Variants in TAF4B observed in about 807,000 individuals in gnomAD.
TAF4B encodes the protein TATA-box binding protein associated factor 4b, also known as transcription initiation factor TFIID subunit 4B.
In TAF4B, 38 loss-of-function variants were observed where a neutral mutation model predicts 86.4. The observed-to-expected ratio is 0.44, with a 90% CI of 0.34 to 0.58. The LOEUF (loss-of-function observed/expected upper bound fraction) is 0.58, where lower values mean the gene tolerates loss of function less well. Ranked by LOEUF, TAF4B falls within the 20% of genes least tolerant of loss-of-function variation. The probability of loss-of-function intolerance (pLI) is 0.02; values close to 1 mark genes in which losing one functional copy is unlikely to be tolerated. For synonymous variants in TAF4B, 388 were observed against 391.2 expected (o/e 0.99, Z 0.10); for missense variants, 988 against 1,027.6 (o/e 0.96, Z 0.53).
At chr18:26,349,788 T>C (rs2057229657) in intron 13 of TAF4B, among the ~76,000 whole-genome samples, 1 of 152,170 alleles carries the variant, frequency 6.6e-6, no homozygotes, top group Non-Finnish European at 1.5e-5. Context: ...GGCATGACAC[T>C]ACTGGACTTC....
chr18:26,317,107 A>G (rs1256169633), intron 10 of TAF4B, among the ~76,000 whole-genome samples: 4 of 142,594 alleles, frequency 2.8e-5, no homozygotes, highest in Non-Finnish European at 6.0e-5. Flanking sequence ...TCGGCTCACT[A>G]TAACCTCCGC....
intron 3 of TAF4B, among the ~76,000 whole-genome samples, chr18:26,272,411 G>T (rs1598745300): frequency 6.6e-6 from 1 of 152,104 alleles, no homozygotes; most frequent in South Asian, 2.1e-4. Flanking sequence ...CGGCACAGGG[G>T]TTGGGGACCC....
At chr18:26,389,356 G>A (rs1978568709) in intron 14 of TAF4B, among the ~76,000 whole-genome samples, 1 of 152,188 alleles carries the variant, frequency 6.6e-6, no homozygotes, top group Non-Finnish European at 1.5e-5. Flanking sequence ...ATGGCCTGGT[G>A]GGATCTGAAC....
intron 1 of TAF4B, among the ~76,000 whole-genome samples, chr18:26,236,581 G>A (rs1006295586): frequency 2.6e-5 from 4 of 152,092 alleles, no homozygotes; most frequent in Admixed American, 6.5e-5. Context: ...GTGAGGGGGC[G>A]CTTGTTTCTC....
At chr18:26,236,617 C>A (rs970343856) in intron 1 of TAF4B, among the ~76,000 whole-genome samples, 1 of 152,116 alleles carries the variant, frequency 6.6e-6, no homozygotes, top group African/African-American at 2.4e-5. Context: ...TTAAAGTGTC[C>A]TTGCAAACCA....
intron 13 of TAF4B, among the ~76,000 whole-genome samples, chr18:26,355,196 T>C (rs2057278323): frequency 6.6e-6 from 1 of 152,196 alleles, no homozygotes; most frequent in South Asian, 2.1e-4. Flanking sequence ...CTTAATGATA[T>C]TTAGGACTCA....
rs1568148035 is a variant in TAF4B at position 26,315,149 on chromosome 18, TCTCTCTCTCTCTCA to T, written c.1833-78_1833-65del. 78 of 429,166 alleles carry T rather than the reference TCTCTCTCTCTCTCA, an allele frequency of 1.8e-4. 1 individual carries two copies. The highest frequency in any genetic ancestry group is 1.5e-3 in the East Asian group (27 of 18,428). 26.6% of individuals were successfully genotyped at this position (429,166 alleles called of 1,614,324 possible). A position where few individuals can be genotyped will look rare whatever the true frequency, so the allele number is the denominator to read the frequency against. ...CTCTCTCTCTCTCTCTCTCTCTGTC[TCTCTCTCTCTCTCA>T]CACACACACACACACACACACACAC... On this transcript the variant is annotated intron_variant, in intron 9 of 14. Transcript: ENST00000269142.
chr18:26,249,054 C>A (rs2055964090), intron 1 of TAF4B, among the ~76,000 whole-genome samples: 1 of 151,616 alleles, frequency 6.6e-6, no homozygotes, highest in African/African-American at 2.4e-5. Context: ...TGCCTGTAAT[C>A]CCAGCTACTC....
rs540693768 is a variant in TAF4B at position 26,236,492 on chromosome 18, C to T, written c.343+9216C>T. 5.3e-5 allele frequency among the ~76,000 whole-genome samples: 8 copies of T among 152,280 alleles called. No homozygotes were observed. The South Asian group carries it at 6.2e-4, about 12-fold the overall frequency. On this transcript the variant is annotated intron_variant, in intron 1 of 14. Transcript: ENST00000269142. ...CAGTCCTGTTGTTGGATCATCTGGT[C>T]GGGGGCCTCTGGCTCAGAGAACCTT...
chr18:26,347,919 G>A (rs766499004), intron 13 of TAF4B, among the ~76,000 whole-genome samples: 19 of 152,150 alleles, frequency 1.2e-4, no homozygotes, highest in Non-Finnish European at 1.8e-4. Flanking sequence ...GATATATAAA[G>A]TAAATATTAT....
At chr18:26,275,258 T>G (rs2056370757) in intron 5 of TAF4B, among the ~76,000 whole-genome samples, 1 of 152,160 alleles carries the variant, frequency 6.6e-6, no homozygotes, top group African/African-American at 2.4e-5. Context: ...TGGGTTCAAA[T>G]GATTCTCCTG....
chr18:26,313,177 G>A (rs1018931188), intron 9 of TAF4B, among the ~76,000 whole-genome samples: 3 of 152,114 alleles, frequency 2.0e-5, no homozygotes, highest in African/African-American at 7.2e-5. Context: ...CCTAATCTGA[G>A]TTATGTATTT....
chr18:26,346,990 G>T (rs192794233), intron 13 of TAF4B, among the ~76,000 whole-genome samples: 16 of 142,218 alleles, frequency 1.1e-4, no homozygotes, highest in Non-Finnish European at 1.8e-4. Context: ...GCATGATCTC[G>T]GCTCACTGCA....
intron 13 of TAF4B, among the ~76,000 whole-genome samples, chr18:26,350,713 G>T (rs1304500181): frequency 6.6e-6 from 1 of 152,134 alleles, no homozygotes; most frequent in Admixed American, 6.6e-5. Flanking sequence ...ATGGGCAAAT[G>T]ATCAGAATGG....
intron 14 of TAF4B, among the ~76,000 whole-genome samples, chr18:26,366,082 G>T (rs1026090294): frequency 6.6e-6 from 1 of 152,196 alleles, no homozygotes; most frequent in African/African-American, 2.4e-5. Flanking sequence ...GAGCCACTGC[G>T]CCCGGCCTAT....
At chr18:26,361,299 T>TC (rs1390041466) in intron 14 of TAF4B, among the ~76,000 whole-genome samples, 1 of 56,668 alleles carries the variant, frequency 1.8e-5, no homozygotes, top group Non-Finnish European at 4.2e-5. Flanking sequence ...AATTTTTTTT[T>TC]TTTTTTTAGA....
Position 26,226,711 on chromosome 18 carries a change from C to T in TAF4B, c.-223C>T. The T allele has an allele frequency of 4.9e-6, 2 of 406,674 alleles. No homozygotes were observed. The highest frequency in any genetic ancestry group is 8.6e-6 in the Non-Finnish European group (2 of 232,918). 25.2% of individuals were successfully genotyped at this position (406,674 alleles called of 1,614,324 possible). ...GCGAGAGGTCGGGCGGGTGTCGCTC[C>T]GGGGGCAGCCCAGGCTCGCGCGGAC... is the stretch of plus-strand genomic sequence containing the variant. On this transcript the variant is annotated 5_prime_UTR_variant, in exon 1 of 15. Coordinates refer to ENST00000269142, the MANE Select transcript of TAF4B (RefSeq NM_005640.3).
At chr18:26,299,455 A>T (rs1266879899) in intron 9 of TAF4B, among the ~76,000 whole-genome samples, 1 of 151,896 alleles carries the variant, frequency 6.6e-6, no homozygotes, top group East Asian at 1.9e-4. Context: ...TTTTGTGTTG[A>T]TATTCATGAG....
intron 6 of TAF4B, among the ~76,000 whole-genome samples, chr18:26,282,845 A>G (rs2056466971): frequency 6.6e-6 from 1 of 152,180 alleles, no homozygotes; most frequent in African/African-American, 2.4e-5. Context: ...CTTTGTTACC[A>G]TCCTAACAAC....
Sources: allele counts gnomAD v4.1 joint callset (sites outside exome capture counted in the v4.1 genomes callset), GRCh38; gene constraint gnomAD v4.1.1; transcripts MANE v1.5; gene names NCBI Gene and HGNC (gene_info 2026-07-23, HGNC 2026-07-21).